EDIL3: variants seen among roughly 807,000 people sequenced by gnomAD.
EDIL3 encodes EGF like and discoidin domains 3, also known as EGF-like repeat and discoidin I-like domain-containing protein 3.
Under a neutral mutation model 67.4 loss-of-function variants are expected in EDIL3, and 37 were observed. The observed-to-expected ratio is 0.55, with a 90% CI of 0.42 to 0.72. EDIL3 has a LOEUF of 0.72. Ranked by LOEUF, EDIL3 falls within the 30% of genes least tolerant of loss-of-function variation. The pLI is 0.00. For missense variants in EDIL3, 527 were observed against 586.3 expected (o/e 0.90, Z 1.04); for synonymous variants, 195 against 196.3 (o/e 0.99, Z 0.05).
intron 1 of EDIL3, among the ~76,000 whole-genome samples, chr5:84,285,457 T>C (rs1745790688): frequency 6.6e-6 from 1 of 152,212 alleles, no homozygotes; most frequent in South Asian, 2.1e-4. Flanking sequence ...AGGAACCATG[T>C]CTTAGAGGGT....
At position 84,297,259 on chromosome 5, in the gene EDIL3, C is replaced by A. The variant is rs1208102992; in HGVS notation, c.68-43047G>T. On this transcript the variant is annotated intron_variant, in intron 1 of 10. Transcript: ENST00000296591. ...CACTTTTCTAAAGAGGACATATATG[C>A]GACCAACAAACATGGAAAAAAGCTT... 2.0e-5 allele frequency among the ~76,000 whole-genome samples: 3 copies of A among 150,314 alleles called. No homozygotes were observed. In the East Asian group the frequency reaches 5.8e-4, roughly 29 times the overall value.
intron 1 of EDIL3, among the ~76,000 whole-genome samples, chr5:84,267,809 C>T (rs1745380103): frequency 6.6e-6 from 1 of 152,070 alleles, no homozygotes; most frequent in Non-Finnish European, 1.5e-5. Flanking sequence ...AGTAATGGAG[C>T]CTTTGGAAGC....
chr5:84,372,696 T>G (rs1486559249), intron 1 of EDIL3, among the ~76,000 whole-genome samples: 1 of 152,196 alleles, frequency 6.6e-6, no homozygotes, highest in Non-Finnish European at 1.5e-5. Context: ...GACCTAGTTT[T>G]GAGTGCTGAT....
At chr5:84,220,380 A>C (rs1744318518) in intron 3 of EDIL3, among the ~76,000 whole-genome samples, 1 of 152,214 alleles carries the variant, frequency 6.6e-6, no homozygotes, top group Non-Finnish European at 1.5e-5. Context: ...TTGGGATTTT[A>C]AAAGTTACAA....
chr5:84,129,552 A>G (rs1366910198), intron 5 of EDIL3, among the ~76,000 whole-genome samples: 1 of 151,962 alleles, frequency 6.6e-6, no homozygotes, highest in African/African-American at 2.4e-5. Flanking sequence ...ATTAATTTTT[A>G]TTTTATGTAT....
intron 9 of EDIL3, among the ~76,000 whole-genome samples, chr5:83,994,444 C>CAA: frequency 6.9e-6 from 1 of 145,162 alleles, no homozygotes; most frequent in African/African-American, 2.5e-5. Context: ...TTTTATTTAG[C>CAA]AAAAAAAAAA....
intron 1 of EDIL3, among the ~76,000 whole-genome samples, chr5:84,312,327 TG>T (rs1220599072): frequency 6.1e-5 from 5 of 81,672 alleles, no homozygotes; most frequent in African/African-American, 2.5e-4. Flanking sequence ...GCTGGCCGGG[TG>T]GGGGGCTGAC....
intron 6 of EDIL3, among the ~76,000 whole-genome samples, chr5:84,091,872 A>G (rs1747174197): frequency 6.6e-6 from 1 of 152,228 alleles, no homozygotes; most frequent in Non-Finnish European, 1.5e-5. Flanking sequence ...TAATTCATAA[A>G]TAGCATTTCC....
chr5:84,184,850 C>T (rs1281179085), intron 3 of EDIL3, among the ~76,000 whole-genome samples: 3 of 152,144 alleles, frequency 2.0e-5, no homozygotes, highest in Non-Finnish European at 1.5e-5. Flanking sequence ...CGCCAAAAGA[C>T]ATCATGACCT....
At chr5:84,203,545 G>T (rs1743891250) in intron 3 of EDIL3, among the ~76,000 whole-genome samples, 1 of 152,142 alleles carries the variant, frequency 6.6e-6, no homozygotes, top group Non-Finnish European at 1.5e-5. Context: ...TTAATGAGAT[G>T]CATGGGAACC....
At chr5:83,959,901 T>A (rs1197341245) in intron 10 of EDIL3, among the ~76,000 whole-genome samples, 1 of 151,012 alleles carries the variant, frequency 6.6e-6, no homozygotes, top group Non-Finnish European at 1.5e-5. Flanking sequence ...ATAAAATGAC[T>A]ACATTTTCAA....
chr5:84,183,683 A>AGAGTG (rs1479653158), intron 3 of EDIL3, among the ~76,000 whole-genome samples: 1 of 152,304 alleles, frequency 6.6e-6, no homozygotes, highest in East Asian at 1.9e-4. Context: ...ATTACCGAAG[A>AGAGTG]GAGTGGAGTA....
chr5:84,227,339 A>G (rs1303903327), intron 3 of EDIL3, among the ~76,000 whole-genome samples: 1 of 152,116 alleles, frequency 6.6e-6, no homozygotes, highest in Non-Finnish European at 1.5e-5. Context: ...AAAAATGCTC[A>G]TCATCACTTA....
At chr5:84,086,168 C>T (rs1747066233) in intron 6 of EDIL3, among the ~76,000 whole-genome samples, 1 of 152,090 alleles carries the variant, frequency 6.6e-6, no homozygotes, top group Non-Finnish European at 1.5e-5. Context: ...GAGGAGTGGC[C>T]GGTTCTTCTG....
chr5:84,221,634 T>C (rs1744344296), intron 3 of EDIL3, among the ~76,000 whole-genome samples: 1 of 152,050 alleles, frequency 6.6e-6, no homozygotes, highest in Non-Finnish European at 1.5e-5. Flanking sequence ...AGCCACATCT[T>C]TAGAAGCAGT....
rs1040400523 is a variant in EDIL3 at position 84,384,197 on chromosome 5, C to T, written c.67+111G>A. On this transcript the variant is annotated intron_variant, in intron 1 of 10. Transcript: ENST00000296591. ...GACGCCTCCTCCGCGCCGCCAGCGG[C>T]GCTCGCCACCCTTGGCACGCCGGAG... 7 of 1,361,698 alleles carry T rather than the reference C, an allele frequency of 5.1e-6. No individual in the cohort carries two copies. In the Admixed American group the frequency reaches 1.7e-4, roughly 32 times the overall value. 84.4% of individuals were successfully genotyped at this position (1,361,698 alleles called of 1,614,324 possible).
At chr5:84,332,468 G>A (rs1746893159) in intron 1 of EDIL3, among the ~76,000 whole-genome samples, 1 of 152,130 alleles carries the variant, frequency 6.6e-6, no homozygotes, top group Admixed American at 6.5e-5. Context: ...TCAAGATAAC[G>A]TTCTAATTAT....
At chr5:84,252,493 CAAAAAAAAAAAAA>C (rs70975548) in intron 2 of EDIL3, among the ~76,000 whole-genome samples, 1 of 28,944 alleles carries the variant, frequency 3.5e-5, no homozygotes, top group Non-Finnish European at 5.8e-5. Context: ...GACTCCGTCT[CAAAAAAAAAAAAA>C]AAAAAAAAAA....
intron 1 of EDIL3, among the ~76,000 whole-genome samples, chr5:84,274,864 T>C (rs1365790503): frequency 6.6e-6 from 1 of 152,052 alleles, no homozygotes; most frequent in Admixed American, 6.6e-5. Flanking sequence ...TAATAAAGAA[T>C]TCATTGCATT....
Sources: gnomAD v4.1 joint callset for allele counts (sites outside exome capture counted in the v4.1 genomes callset) on GRCh38, gnomAD v4.1.1 for gene constraint, MANE v1.5 for transcripts, NCBI Gene and HGNC (gene_info 2026-07-23, HGNC 2026-07-21) for gene names.